Variants in EDC3 observed in about 807,000 individuals in gnomAD.
EDC3 encodes enhancer of mRNA-decapping protein 3.
In EDC3, 20 loss-of-function variants were observed where a neutral mutation model predicts 41.8. The ratio of observed to expected loss-of-function variants is 0.48; its 90% CI spans 0.34 to 0.70. The LOEUF (loss-of-function observed/expected upper bound fraction) is 0.70, where lower values mean the gene tolerates loss of function less well. Among genes scored for constraint, EDC3 ranks in the 30% least tolerant of loss-of-function variants. The pLI is 0.01. For missense variants in EDC3, 444 were observed against 636.8 expected (o/e 0.70, Z 3.26); for synonymous variants, 206 against 243.2 (o/e 0.85, Z 1.42).
In EDC3 at chr15:74,634,354, T is replaced by G. The variant is rs143567978; in HGVS notation, c.1192+1055A>C. Among the ~76,000 whole-genome samples the G allele has an allele frequency of 2.8e-3, 430 of 152,270 alleles. 5 individuals carry two copies. The highest frequency in any genetic ancestry group is 0.024 in the East Asian group (126 of 5,180). On this transcript the variant is annotated intron_variant, in intron 6 of 6. Coordinates refer to ENST00000315127, the MANE Select transcript of EDC3 (RefSeq NM_025083.5). Reference sequence around the variant, plus strand: ...TGGTTAGGCTCTTTACTCCCTGACTTCTAAATAAAGAGCTCAGTTTTCCAA... The same window carrying G: ...TGGTTAGGCTCTTTACTCCCTGACTGCTAAATAAAGAGCTCAGTTTTCCAA...
intron 2 of EDC3, among the ~76,000 whole-genome samples, chr15:74,673,837 CAAAA>C (rs748537794): frequency 8.5e-5 from 4 of 47,214 alleles, no homozygotes; most frequent in Non-Finnish European, 9.4e-5. Flanking sequence ...GAGACTCCAT[CAAAA>C]AAAAAAAAAA....
chr15:74,669,599 G>T (rs567863091), intron 3 of EDC3, among the ~76,000 whole-genome samples: 8 of 152,000 alleles, frequency 5.3e-5, no homozygotes, highest in Non-Finnish European at 1.2e-4. Flanking sequence ...CCCTGACACA[G>T]GTGTCACACC....
chr15:74,682,151 A>G (rs2062876791), intron 1 of EDC3, among the ~76,000 whole-genome samples: 1 of 152,156 alleles, frequency 6.6e-6, no homozygotes, highest in Admixed American at 6.5e-5. Context: ...GCAGGTTATT[A>G]AAAAAACTAA....
chr15:74,683,622 C>T (rs2062900261), intron 1 of EDC3, among the ~76,000 whole-genome samples: 1 of 151,944 alleles, frequency 6.6e-6, no homozygotes, highest in Non-Finnish European at 1.5e-5. Flanking sequence ...TACAGTTTTG[C>T]AAGATGTTAC....
intron 6 of EDC3, 108 bp from the exon 7 acceptor site, chr15:74,633,054 C>T (rs2062231543): frequency 8.9e-7 from 1 of 1,124,546 alleles, no homozygotes; most frequent in Non-Finnish European, 1.3e-6. Flanking sequence ...CCAGACACCA[C>T]TCGAATGCCT....
chr15:74,649,755 GC>G (rs2062458779), intron 4 of EDC3, among the ~76,000 whole-genome samples: 1 of 151,234 alleles, frequency 6.6e-6, no homozygotes, highest in African/African-American at 2.4e-5. Flanking sequence ...CCTCATTAAA[GC>G]TCTTAATAAC....
intron 4 of EDC3, among the ~76,000 whole-genome samples, chr15:74,646,370 G>GC (rs1483234168): frequency 3.3e-5 from 5 of 152,126 alleles, no homozygotes; most frequent in Non-Finnish European, 7.4e-5. Flanking sequence ...ACTGTGTCCG[G>GC]CCCCCCAGTC....
chr15:74,656,604 T>C (rs993512046), intron 3 of EDC3, among the ~76,000 whole-genome samples: 4 of 152,336 alleles, frequency 2.6e-5, no homozygotes, highest in Admixed American at 2.0e-4. Context: ...GAATATAGCA[T>C]GGTGGTTTTG....
intron 2 of EDC3, among the ~76,000 whole-genome samples, chr15:74,672,586 C>G (rs1006209461): frequency 6.6e-6 from 1 of 152,138 alleles, no homozygotes; most frequent in Non-Finnish European, 1.5e-5. Context: ...GAGGCCGAGG[C>G]AGGCGAATCA....
intron 4 of EDC3, among the ~76,000 whole-genome samples, chr15:74,649,422 C>T (rs1202167491): frequency 6.6e-6 from 1 of 152,046 alleles, no homozygotes; most frequent in Non-Finnish European, 1.5e-5. Flanking sequence ...GCCAACTACA[C>T]TTCTGTTATT....
chr15:74,678,028 C>T (rs760946634), intron 1 of EDC3, among the ~76,000 whole-genome samples: 26 of 136,598 alleles, frequency 1.9e-4, no homozygotes, highest in Non-Finnish European at 3.6e-4. Flanking sequence ...ATTCCAGCTA[C>T]AAGGTTTTCT....
intron 4 of EDC3, chr15:74,644,525 G>T (rs1255934256): frequency 6.6e-6 from 1 of 152,066 alleles, no homozygotes; most frequent in Non-Finnish European, 1.5e-5. Context: ...GTGGGGGAGG[G>T]ATAGCATTAG....
intron 5 of EDC3, chr15:74,636,610 C>T (rs944118231): frequency 6.6e-6 from 1 of 152,252 alleles, no homozygotes; most frequent in Non-Finnish European, 1.5e-5. Flanking sequence ...GGCCATAGGT[C>T]CCTGCCTAGT....
intron 3 of EDC3, 134 bp from the exon 4 acceptor site, chr15:74,656,202 A>G (rs2062546477): frequency 1.2e-6 from 1 of 812,480 alleles, no homozygotes; most frequent in Non-Finnish European, 1.9e-6. Context: ...TTGCAAACTC[A>G]TATTAAGTAG....
chr15:74,643,266 G>A (rs754816702), intron 4 of EDC3: 1 of 152,220 alleles, frequency 6.6e-6, no homozygotes, highest in Non-Finnish European at 1.5e-5. Context: ...GTCTAATTAT[G>A]TTTGAGTTGG....
chr15:74,680,339 A>C (rs567230351), intron 1 of EDC3, among the ~76,000 whole-genome samples: 1 of 152,128 alleles, frequency 6.6e-6, no homozygotes, highest in Non-Finnish European at 1.5e-5. Context: ...TGCTGACTCA[A>C]GATCAGAAAG....
Position 74,632,317 on chromosome 15 carries a change from TG to T in EDC3, c.*294del. On this transcript the variant is annotated 3_prime_UTR_variant, in exon 7 of 7. Coordinates refer to ENST00000315127, the MANE Select transcript of EDC3 (RefSeq NM_025083.5). This position sits in a 1 kb window ranked among gnomAD's most constrained non-coding sequence, Gnocchi z 4.0. ...TGGCTGTAAACCTGAAACACAGTCT[TG>T]AGAGCTGCCTACGGCTGTAAACAAA... 2.3e-6 allele frequency: 1 copy of T among 427,010 alleles called. No individual in the cohort carries two copies. Among genetic ancestry groups the T allele is most frequent in the East Asian group, 4.5e-5 (1 of 22,380 alleles). 26.5% of individuals were successfully genotyped at this position (427,010 alleles called of 1,614,324 possible).
intron 1 of EDC3, among the ~76,000 whole-genome samples, chr15:74,679,078 T>A (rs1187451565): frequency 6.6e-6 from 1 of 151,658 alleles, no homozygotes; most frequent in Non-Finnish European, 1.5e-5. Flanking sequence ...ACACCTGTAA[T>A]CCCAGCTACT....
At chr15:74,646,953 C>T (rs935112460) in intron 4 of EDC3, among the ~76,000 whole-genome samples, 1 of 151,212 alleles carries the variant, frequency 6.6e-6, no homozygotes, top group Admixed American at 6.6e-5. Flanking sequence ...TGCTACAGAA[C>T]ACAGTGTCTG....
Sources: gnomAD v4.1 joint callset for allele counts (sites outside exome capture counted in the v4.1 genomes callset) on GRCh38, gnomAD v4.1.1 for gene constraint, Gnocchi (gnomAD v3.1) non-coding constraint, MANE v1.5 for transcripts, NCBI Gene and HGNC (gene_info 2026-07-23, HGNC 2026-07-21) for gene names.